The following CRMP1 variants were observed in gnomAD, a reference collection of about 807,000 sequenced individuals.
The protein encoded by CRMP1 is dihydropyrimidinase-related protein 1.
In CRMP1, 19 loss-of-function variants were observed where a neutral mutation model predicts 68.3. The observed-to-expected ratio is 0.28, with a 90% CI of 0.19 to 0.41. The LOEUF (loss-of-function observed/expected upper bound fraction) is 0.41. Among genes scored for constraint, CRMP1 ranks in the 10% least tolerant of loss-of-function variants. CRMP1 has a pLI of 1.00. For missense variants in CRMP1, 791 were observed against 967.4 expected, an observed-to-expected ratio of 0.82 and a Z score of 2.42; for synonymous variants, 439 against 399.6, an observed-to-expected ratio of 1.10 and a Z score of -1.18.
chr4:5,878,313 C>G lies in CRMP1; in HGVS notation c.382-11557G>C, dbSNP rs114460680. Among the ~76,000 whole-genome samples the G allele has an allele frequency of 6.7e-3, 1,024 of 152,160 alleles. 17 individuals are homozygous for G. The highest frequency in any genetic ancestry group is 0.023 in the African/African-American group (942 of 41,488). On this transcript the variant is annotated intron_variant, in intron 1 of 13. Coordinates refer to ENST00000324989, the MANE Select transcript of CRMP1 (RefSeq NM_001014809.3). Reference sequence around the variant, plus strand: ...TACATCTGAGCCTCAGTTCCCCACTCTGTAAAATAGGGACAGGCAGTGATA... The same window carrying G: ...TACATCTGAGCCTCAGTTCCCCACTGTGTAAAATAGGGACAGGCAGTGATA...
chr4:5,864,894 G>C (rs966451756), intron 2 of CRMP1, among the ~76,000 whole-genome samples: 1 of 151,046 alleles, frequency 6.6e-6, no homozygotes, highest in Admixed American at 6.6e-5. Flanking sequence ...AATGAAGCCA[G>C]AGGAGGGGAG....
In CRMP1 at chr4:5,866,163, C is replaced by A. The variant is rs2152469900; in HGVS notation, c.470+505G>T. Among the ~76,000 whole-genome samples, 1 of 152,298 alleles carries A rather than the reference C, an allele frequency of 6.6e-6. No individual in the cohort carries two copies. The highest frequency in any genetic ancestry group is 1.9e-4 in the East Asian group (1 of 5,170). ...AAGAAAGGGAAGGAAACTCCAGCCC[C>A]AATGTCTATCTTTTCTTTAAGTGCC... On this transcript the variant is annotated intron_variant, in intron 2 of 13. Transcript: ENST00000324989. This position sits in a 1 kb window ranked among gnomAD's most constrained non-coding sequence, Gnocchi z 5.9.
At chr4:5,857,120 TCAC>T (rs879596624) in intron 3 of CRMP1, among the ~76,000 whole-genome samples, 277 of 122,328 alleles carry the variant, frequency 2.3e-3, no homozygotes, top group Non-Finnish European at 3.9e-3. Flanking sequence ...ACCACAATCA[TCAC>T]CATCACCACC....
chr4:5,881,084 A>C lies in CRMP1; in HGVS notation c.381+11505T>G, dbSNP rs1487755330. Among the ~76,000 whole-genome samples, 1 of 152,224 alleles carries C rather than the reference A, an allele frequency of 6.6e-6. No homozygotes were observed. Among genetic ancestry groups the C allele is most frequent in the Non-Finnish European group, 1.5e-5 (1 of 68,040 alleles). ...ATAGAGAATGGACACAGCTGATACA[A>C]AGGCAGAGGGCCACACATGGTGTGC... On this transcript the variant is annotated intron_variant, in intron 1 of 13. Coordinates refer to ENST00000324989, the MANE Select transcript of CRMP1 (RefSeq NM_001014809.3). This position sits in a 1 kb window ranked among gnomAD's most constrained non-coding sequence, Gnocchi z 4.6.
chr4:5,844,875 T>C (rs1164218296), intron 6 of CRMP1, among the ~76,000 whole-genome samples: 1 of 152,206 alleles, frequency 6.6e-6, no homozygotes, highest in Non-Finnish European at 1.5e-5. Flanking sequence ...TGTGAACCTA[T>C]GGTTAATAAA....
intron 1 of CRMP1, among the ~76,000 whole-genome samples, chr4:5,878,867 G>C (rs1372072050): frequency 1.3e-5 from 2 of 151,706 alleles, no homozygotes; most frequent in Non-Finnish European, 2.9e-5. Context: ...TCCATTTTCA[G>C]CTTATCTCTC....
intron 11 of CRMP1, among the ~76,000 whole-genome samples, chr4:5,833,002 A>G (rs1720482669): frequency 6.6e-6 from 1 of 152,154 alleles, no homozygotes; most frequent in Admixed American, 6.5e-5. Flanking sequence ...GCAATGACAG[A>G]GGCAGATGAT....
chr4:5,855,183 G>A lies in CRMP1; in HGVS notation c.820+960C>T, dbSNP rs6827963. On this transcript the variant is annotated intron_variant, in intron 4 of 13. Transcript: ENST00000324989. This position sits in a 1 kb window ranked among gnomAD's most constrained non-coding sequence, Gnocchi z 4.9. ...ACAGGGAATGGAAAGCAATAATCCT[G>A]CACATTTAGAGTAAATTGTGATTGG... Among the ~76,000 whole-genome samples, 7 of 152,130 alleles carry A rather than the reference G, an allele frequency of 4.6e-5. No homozygotes were observed. Among genetic ancestry groups the A allele is most frequent in the Non-Finnish European group, 7.4e-5 (5 of 68,014 alleles).
At chr4:5,880,985 T>C (rs1005345606) in intron 1 of CRMP1, among the ~76,000 whole-genome samples, 12 of 152,160 alleles carry the variant, frequency 7.9e-5, no homozygotes, top group South Asian at 2.1e-4. Context: ...GCGGAGCAGA[T>C]GGACATGAGC....
chr4:5,861,059 T>C lies in CRMP1; in HGVS notation c.622A>G (p.Arg208Gly). The change falls in exon 3 of 14, where the codon AGG becomes GGG. Residue 208 changes from arginine to glycine, a missense_variant. This residue lies in a region of CRMP1 where 594 missense variants were observed against 763.6 expected (regional missense o/e 0.78). Transcript: ENST00000324989. The surrounding 1 kb of genome is among the most constrained non-coding windows in gnomAD (Gnocchi z 6.0). ...GTGGTCCCGCCCACCAGTGCCGCCC[T>C]GGTCCCTTGGAAGAAGTCATCAGCC... ...TAADDFFQGT[R>G]AALVGGTTMI... 1.2e-6 allele frequency: 2 copies of C among 1,614,178 alleles called. No individual in the cohort carries two copies. The highest frequency in any genetic ancestry group is 1.7e-6 in the Non-Finnish European group (2 of 1,180,020).
chr4:5,826,570 C>G (rs557361541), intron 12 of CRMP1: 8 of 152,324 alleles, frequency 5.3e-5, no homozygotes, highest in African/African-American at 1.9e-4. Flanking sequence ...GCAGGGCTTC[C>G]AGGCAGGAGG....
chr4:5,871,618 C>T (rs1364475854), intron 1 of CRMP1, among the ~76,000 whole-genome samples: 1 of 152,096 alleles, frequency 6.6e-6, no homozygotes, highest in East Asian at 1.9e-4. Flanking sequence ...CGAGATCGCA[C>T]CACTGCACTC....
Position 5,835,948 on chromosome 4 carries a change from C to T in CRMP1, c.1590G>A (p.Lys530=). 1 of 1,581,322 alleles carries T rather than the reference C, an allele frequency of 6.3e-7. No individual in the cohort carries two copies. Among genetic ancestry groups the T allele is most frequent in the Non-Finnish European group, 8.6e-7 (1 of 1,164,658 alleles). Residue 530 remains lysine (K), a synonymous_variant, in exon 11 of 14, where the codon AAG becomes AAA. Transcript: ENST00000324989. ...DADVVIWDPD[K]LKTITAKSHK... ...GACTTTTGGCTGTTATGGTCTTCAACTTGTCGGGGTCCCAGATGACCACGT... is the reference window on the plus strand; with the variant it reads ...GACTTTTGGCTGTTATGGTCTTCAATTTGTCGGGGTCCCAGATGACCACGT...
Position 5,852,834 on chromosome 4 carries a change from G to A in CRMP1, c.821-1365C>T, listed in dbSNP as rs567631671. ...GGGTTGCATCTGTCAGGGGGCTTCAGGGAAGGCTTCCCAGGGGAGTACAGC... is the reference window on the plus strand; with the variant it reads ...GGGTTGCATCTGTCAGGGGGCTTCAAGGAAGGCTTCCCAGGGGAGTACAGC... On this transcript the variant is annotated intron_variant, in intron 4 of 13. Transcript: ENST00000324989. Among the ~76,000 whole-genome samples, 11 of 152,294 alleles carry A rather than the reference G, an allele frequency of 7.2e-5. No homozygotes were observed. In the East Asian group the frequency reaches 2.1e-3, roughly 30 times the overall value.
Position 5,850,807 on chromosome 4 carries a change from T to C in CRMP1, c.882+601A>G, listed in dbSNP as rs1712564643. ...AACAAAACTAGGAGACCCAGTAGTA[T>C]AAGAAGGCCAGGTGTCCTGTAAGTC... On this transcript the variant is annotated intron_variant, in intron 5 of 13. Coordinates refer to ENST00000324989, the MANE Select transcript of CRMP1 (RefSeq NM_001014809.3). The surrounding 1 kb of genome is among the most constrained non-coding windows in gnomAD (Gnocchi z 4.4). Among the ~76,000 whole-genome samples, 1 of 152,186 alleles carries C rather than the reference T, an allele frequency of 6.6e-6. No individual in the cohort carries two copies. Among genetic ancestry groups the C allele is most frequent in the East Asian group, 1.9e-4 (1 of 5,188 alleles).
At position 5,825,598 on chromosome 4, in the gene CRMP1, G is replaced by C; in HGVS notation, c.1865C>G (p.Ala622Gly). The C allele has an allele frequency of 6.2e-7, 1 of 1,603,374 alleles. No individual in the cohort carries two copies. ...MYDGPVYEVP[A>G]TPKYATPAPS... ...AGCGGGAGTTGCATATTTGGGTGTA[G>C]CTGGTACCTCGTACACAGGACCGTC... The change falls in exon 13 of 14, where the codon GCT becomes GGT. Residue 622 changes from alanine to glycine, a missense_variant. Ala to Gly is a moderately conservative substitution (Grantham distance 60). This residue lies in a region of CRMP1 where 594 missense variants were observed against 763.6 expected (regional missense o/e 0.78). Transcript: ENST00000324989. The surrounding 1 kb of genome is among the most constrained non-coding windows in gnomAD (Gnocchi z 4.4).
rs190770483 is a variant in CRMP1, at chr4:5,881,752, C to T, written c.381+10837G>A. On this transcript the variant is annotated intron_variant, in intron 1 of 13. Coordinates refer to ENST00000324989, the MANE Select transcript of CRMP1 (RefSeq NM_001014809.3). The surrounding 1 kb of genome is among the most constrained non-coding windows in gnomAD (Gnocchi z 4.6). ...GGTTGTAGCAAACATAAATTTTAAA[C>T]GCTGATCAAAATTTAGCCACACATC... Among the ~76,000 whole-genome samples the T allele has an allele frequency of 4.7e-4, 71 of 152,246 alleles. No homozygotes were observed. Among genetic ancestry groups the T allele is most frequent in the East Asian group, 1.4e-3 (7 of 5,182 alleles).
Position 5,892,612 on chromosome 4 carries a change from G to A in CRMP1, c.358C>T (p.Pro120Ser). The A allele has an allele frequency of 2.5e-6, 3 of 1,187,762 alleles. No individual in the cohort carries two copies. Among genetic ancestry groups the A allele is most frequent in the Non-Finnish European group, 2.1e-6 (2 of 959,584 alleles). 73.6% of individuals were successfully genotyped at this position (1,187,762 alleles called of 1,614,324 possible). ...RIRRPAPRDLPLGRDNGQSDR... is the reference protein window; with the variant it reads ...RIRRPAPRDLSLGRDNGQSDR... ...ACCTGGCCATTGTCCCGGCCGAGGG[G>A]CAGGTCGCGGGGCGCGGGGCGGCGG... Residue 120 changes from proline to serine, a missense_variant, in exon 1 of 14, where the codon CCC becomes TCC. By Grantham distance (74) the Pro-to-Ser change is moderately conservative. Around this residue, in one of 3 missense-constraint regions of CRMP1, gnomAD observed 193 missense variants for 186.3 expected, o/e 1.04. Coordinates refer to ENST00000324989, the MANE Select transcript of CRMP1 (RefSeq NM_001014809.3). The surrounding 1 kb of genome is among the most constrained non-coding windows in gnomAD (Gnocchi z 8.6).
intron 11 of CRMP1, among the ~76,000 whole-genome samples, chr4:5,832,340 T>C (rs1178920272): frequency 1.3e-5 from 2 of 152,234 alleles, no homozygotes; most frequent in Non-Finnish European, 2.9e-5. Context: ...GATAAGAAAC[T>C]TAAAAACATC....
Sources: gnomAD v4.1 joint callset for allele counts (sites outside exome capture counted in the v4.1 genomes callset) on GRCh38, gnomAD v4.1.1 for gene constraint, gnomAD v4.1.1 regional missense constraint, Gnocchi (gnomAD v3.1) non-coding constraint, MANE v1.5 for transcripts, NCBI Gene and HGNC (gene_info 2026-07-23, HGNC 2026-07-21) for gene names.